Variants in ZBTB7B observed in about 807,000 individuals in gnomAD.
ZBTB7B encodes zinc finger and BTB domain-containing protein 7B.
ZBTB7B carries 8 observed loss-of-function variants against 31.0 expected under a neutral mutation model. That is an observed-to-expected ratio of 0.26 (90% CI 0.15 to 0.47). The LOEUF (loss-of-function observed/expected upper bound fraction) is 0.47, where lower values mean the gene tolerates loss of function less well. Ranked by LOEUF, ZBTB7B falls within the 20% of genes least tolerant of loss-of-function variation. The pLI is 0.99. For missense variants in ZBTB7B, 494 were observed against 742.4 expected, an observed-to-expected ratio of 0.67 and a Z score of 3.89; for synonymous variants, 261 against 307.3, an observed-to-expected ratio of 0.85 and a Z score of 1.58.
chr1:155,009,967 G>C (rs1362746656), intron 1 of ZBTB7B, among the ~76,000 whole-genome samples: 2 of 152,042 alleles, frequency 1.3e-5, no homozygotes, highest in Non-Finnish European at 2.9e-5. Context: ...AGTTCAGGGA[G>C]GGCTGAAGGA....
chr1:155,014,632 C>T (rs769981754), intron 1 of ZBTB7B, 23 bp from the exon 2 acceptor site: 9 of 1,591,642 alleles, frequency 5.7e-6, no homozygotes, highest in South Asian at 5.7e-5. Flanking sequence ...CGCTCTTAAT[C>T]TCCCCTCTAC....
chr1:155,016,365 C>A lies in ZBTB7B; in HGVS notation c.1300C>A (p.Leu434Met), dbSNP rs1255022390. Residue 434 changes from leucine to methionine, a missense_variant, in exon 3 of 3, where the codon CTG becomes ATG. Around this residue, in one of 5 missense-constraint regions of ZBTB7B, gnomAD observed 61 missense variants for 170.0 expected, o/e 0.36. Coordinates refer to ENST00000535420, the MANE Select transcript of ZBTB7B (RefSeq NM_001256455.2). The surrounding 1 kb of genome is among the most constrained non-coding windows in gnomAD (Gnocchi z 4.3). The part of the protein sequence containing the change: ...HTGDRPYECH[L>M]CHKAFAKEDH... ...AGGGGACCGGCCCTATGAGTGCCAC[C>A]TGTGCCACAAGGCTTTCGCCAAGGA... The A allele has an allele frequency of 6.2e-7, 1 of 1,614,150 alleles. No individual in the cohort carries two copies. The highest frequency in any genetic ancestry group is 1.1e-5 in the South Asian group (1 of 91,086).
chr1:155,017,367 CGCCCAGCTAGGGGA>C lies in ZBTB7B; in HGVS notation c.*686_*699del, dbSNP rs1187788469. On this transcript the variant is annotated 3_prime_UTR_variant, in exon 3 of 3. Coordinates refer to ENST00000535420, the MANE Select transcript of ZBTB7B (RefSeq NM_001256455.2). ...GCCCCTGGGGGCAGTAGAGGGGCCCCGCCCAGCTAGGGGAGCCGCTCCGTTCCACTCCCCTCCCT... is the reference window on the plus strand; with the variant it reads ...GCCCCTGGGGGCAGTAGAGGGGCCCCGCCGCTCCGTTCCACTCCCCTCCCT... 2 of 104,680 alleles carry C rather than the reference CGCCCAGCTAGGGGA, an allele frequency of 1.9e-5. No homozygotes were observed. The highest frequency in any genetic ancestry group is 6.4e-5 in the African/African-American group (2 of 31,290). The allele number at this position is 104,680 out of a possible 1,614,324, so 6.5% of individuals were successfully genotyped here. A position where few individuals can be genotyped will look rare whatever the true frequency, so the allele number is the denominator to read the frequency against.
At chr1:155,013,463 T>G (rs888669598) in intron 1 of ZBTB7B, among the ~76,000 whole-genome samples, 2 of 152,166 alleles carry the variant, frequency 1.3e-5, no homozygotes, top group African/African-American at 4.8e-5. Context: ...GAAATGACTT[T>G]CCCAAGGTCA....
chr1:155,016,640 G>A lies in ZBTB7B; in HGVS notation c.1575G>A (p.Gly525=). 6.2e-7 allele frequency: 1 copy of A among 1,601,308 alleles called. No homozygotes were observed. Among genetic ancestry groups the A allele is most frequent in the Non-Finnish European group, 8.5e-7 (1 of 1,172,754 alleles). The change falls in exon 3 of 3, where the codon GGG becomes GGA. Residue 525 remains glycine (G), a synonymous_variant. Transcript: ENST00000535420. This position sits in a 1 kb window ranked among gnomAD's most constrained non-coding sequence, Gnocchi z 4.3. ...PGPPDDDEEE[G]APTTPQAEGA... ...CCCCTGATGACGATGAGGAGGAAGG[G>A]GCACCCACCACACCCCAGGCTGAAG...
At position 155,018,412 on chromosome 1, in the gene ZBTB7B, G is replaced by T; in HGVS notation, c.*1727G>T. On this transcript the variant is annotated 3_prime_UTR_variant, in exon 3 of 3. Transcript: ENST00000535420. ...CTTCTCCCTACTTTCGGCTTTCCCA[G>T]TCAGTGCCTTAGGGGGAGAGGCACT... The T allele has an allele frequency of 1.1e-6, 1 of 936,234 alleles. No individual in the cohort carries two copies. Among genetic ancestry groups the T allele is most frequent in the Non-Finnish European group, 1.6e-6 (1 of 636,848 alleles). The allele number at this position is 936,234 out of a possible 1,614,324, so 58.0% of individuals were successfully genotyped here. A position where few individuals can be genotyped will look rare whatever the true frequency, so the allele number is the denominator to read the frequency against.
intron 1 of ZBTB7B, chr1:155,014,010 TAC>T (rs2102305825): frequency 1.0e-6 from 1 of 985,528 alleles, no homozygotes; most frequent in Non-Finnish European, 1.2e-6. Flanking sequence ...GCATATGTTT[TAC>T]AGTGTCCTAA....
At chr1:155,002,143 G>A (rs77885114), upstream of ZBTB7B, among the ~76,000 whole-genome samples, 10,555 of 151,774 alleles carry the variant, frequency 0.07, 472 homozygotes, top group Non-Finnish European at 0.1. Context: ...TTCCAGGCCA[G>A]CCCCTCGGCT....
chr1:155,003,996 GC>G lies in ZBTB7B; in HGVS notation c.-7+1059del, dbSNP rs1342645767. ...TGTTTAGAGAGAGGGCGGGTCCCCT[GC>G]CCCCCGCCCCGCACAACCCCCACGT... is the stretch of plus-strand genomic sequence containing the variant. On this transcript the variant is annotated intron_variant, in intron 1 of 2. Transcript: ENST00000535420. The surrounding 1 kb of genome is among the most constrained non-coding windows in gnomAD (Gnocchi z 5.8). 2.0e-5 allele frequency among the ~76,000 whole-genome samples: 3 copies of G among 152,208 alleles called. No homozygotes were observed. The highest frequency in any genetic ancestry group is 6.5e-5 in the Admixed American group (1 of 15,298).
intron 1 of ZBTB7B, among the ~76,000 whole-genome samples, chr1:155,007,865 T>C (rs12142017): frequency 0.068 from 10,266 of 152,006 alleles, 401 homozygotes; most frequent in Admixed American, 0.11. Context: ...GGAGGGGATA[T>C]TTTAGGGGGC....
In ZBTB7B at chr1:155,009,943, TG is replaced by T. The variant is rs1658838112; in HGVS notation, c.-6-4710del. Among the ~76,000 whole-genome samples, 5 of 149,700 alleles carry T rather than the reference TG, an allele frequency of 3.3e-5. 1 individual carries two copies. The South Asian group carries it at 1.1e-3, about 32-fold the overall frequency. Reference sequence around the variant, plus strand: ...AGGAGGCCTAGGGACACTGATGGGGTGGAGAGGATGCGGAGTTCAGGGAGGG... The same window carrying T: ...AGGAGGCCTAGGGACACTGATGGGGTGAGAGGATGCGGAGTTCAGGGAGGG... On this transcript the variant is annotated intron_variant, in intron 1 of 2. Transcript: ENST00000535420.
At chr1:155,008,750 G>A (rs1220083460) in intron 1 of ZBTB7B, among the ~76,000 whole-genome samples, 2 of 152,166 alleles carry the variant, frequency 1.3e-5, no homozygotes, top group African/African-American at 2.4e-5. Flanking sequence ...CCTCTCCCAC[G>A]CCGCCAGCCC....
Position 155,017,417 on chromosome 1 carries a change from C to T in ZBTB7B, c.*732C>T, listed in dbSNP as rs1343474629. The stretch of plus-strand genomic sequence containing the variant: ...TCCACTCCCCTCCCTAGCCCTCCCT[C>T]CCCACGGCCCTGGGCAGGGAATGTC... On this transcript the variant is annotated 3_prime_UTR_variant, in exon 3 of 3. Coordinates refer to ENST00000535420, the MANE Select transcript of ZBTB7B (RefSeq NM_001256455.2). The T allele has an allele frequency of 6.6e-6, 1 of 152,366 alleles. No individual in the cohort carries two copies. Among genetic ancestry groups the T allele is most frequent in the Non-Finnish European group, 1.5e-5 (1 of 68,178 alleles). The allele number at this position is 152,366 out of a possible 1,614,324, so 9.4% of individuals were successfully genotyped here.
intron 1 of ZBTB7B, among the ~76,000 whole-genome samples, chr1:155,007,360 G>A (rs894582201): frequency 3.9e-5 from 6 of 152,222 alleles, no homozygotes; most frequent in African/African-American, 1.2e-4. Flanking sequence ...AAAGGGCAGA[G>A]AGCAGCCCCA....
intron 1 of ZBTB7B, among the ~76,000 whole-genome samples, chr1:155,011,551 G>C (rs550319124): frequency 6.1e-4 from 93 of 152,232 alleles, no homozygotes; most frequent in African/African-American, 1.8e-3. Context: ...AGGGGAGCCT[G>C]GGGGGGTGGC....
chr1:155,018,380 G>T lies in ZBTB7B; in HGVS notation c.*1695G>T. ...CAGCCCCAGAAAGTGGGGACAATGT[G>T]GCCTCCCTTCTCCCTACTTTCGGCT... On this transcript the variant is annotated 3_prime_UTR_variant, in exon 3 of 3. Coordinates refer to ENST00000535420, the MANE Select transcript of ZBTB7B (RefSeq NM_001256455.2). 1.4e-6 allele frequency: 1 copy of T among 690,356 alleles called. No homozygotes were observed. Among genetic ancestry groups the T allele is most frequent in the Non-Finnish European group, 2.4e-6 (1 of 419,540 alleles). 42.8% of individuals were successfully genotyped at this position (690,356 alleles called of 1,614,324 possible).
intron 1 of ZBTB7B, among the ~76,000 whole-genome samples, chr1:155,008,078 A>T (rs1196957965): frequency 6.6e-6 from 1 of 152,118 alleles, no homozygotes; most frequent in Non-Finnish European, 1.5e-5. Context: ...GGGTGGCAGC[A>T]GCTTGCGCAA....
rs1364484220 is a variant in ZBTB7B, at chr1:155,011,157, A to AG, written c.-6-3492dup. ...TCCCCTAATCCCCAGGGTGGGGGAA[A>AG]GGGGGGTCAGCTTTACTCAGCTGCC... is the stretch of plus-strand genomic sequence containing the variant. On this transcript the variant is annotated intron_variant, in intron 1 of 2. Transcript: ENST00000535420. 6.0e-5 allele frequency: 49 copies of AG among 814,562 alleles called. 1 individual carries two copies. The highest frequency in any genetic ancestry group is 5.9e-4 in the South Asian group (36 of 61,078). 50.5% of individuals were successfully genotyped at this position (814,562 alleles called of 1,614,324 possible).
intron 1 of ZBTB7B, among the ~76,000 whole-genome samples, chr1:155,012,185 G>A (rs1433027431): frequency 6.6e-6 from 1 of 151,450 alleles, no homozygotes; most frequent in Admixed American, 6.6e-5. Flanking sequence ...GCCAATCAGC[G>A]CCCCCACCAC....
Sources: gnomAD v4.1 joint callset for allele counts (sites outside exome capture counted in the v4.1 genomes callset) on GRCh38, gnomAD v4.1.1 for gene constraint, gnomAD v4.1.1 regional missense constraint, Gnocchi (gnomAD v3.1) non-coding constraint, MANE v1.5 for transcripts, NCBI Gene and HGNC (gene_info 2026-07-23, HGNC 2026-07-21) for gene names.